Variants in MED23 observed in about 807,000 individuals in gnomAD.
MED23 encodes mediator of RNA polymerase II transcription subunit 23.
MED23 carries 105 observed loss-of-function variants against 163.9 expected under a neutral mutation model. The observed-to-expected ratio is 0.64, with a 90% confidence interval of 0.55 to 0.75. The LOEUF (loss-of-function observed/expected upper bound fraction) is 0.75, where lower values mean the gene tolerates loss of function less well. Among genes scored for constraint, MED23 ranks in the 30% least tolerant of loss-of-function variants. The pLI is 0.00. For synonymous variants in MED23, 561 were observed against 565.6 expected (o/e 0.99, Z 0.12); for missense variants, 1,054 against 1,649.0 (o/e 0.64, Z 6.25).
chr6:131,611,583 A>G (rs1351388837), intron 10 of MED23, among the ~76,000 whole-genome samples: 1 of 152,184 alleles, frequency 6.6e-6, no homozygotes, highest in Non-Finnish European at 1.5e-5. Context: ...ATCAGCATGC[A>G]AAACTACTGT....
rs1318991068 is a variant in MED23 at position 131,598,121 on chromosome 6, A to C, written c.2607+166T>G. ...CAAACAAAAAAACAAAAACAAACAA[A>C]AACAGAAATTGGAAAATTTCCGGCT... On this transcript the variant is annotated intron_variant, in intron 20 of 28. Coordinates refer to ENST00000368068, the MANE Select transcript of MED23 (RefSeq NM_004830.4). This position sits in a 1 kb window ranked among gnomAD's most constrained non-coding sequence, Gnocchi z 4.7. 1 of 756,034 alleles carries C rather than the reference A, an allele frequency of 1.3e-6. No individual in the cohort carries two copies. The highest frequency in any genetic ancestry group is 1.8e-5 in the African/African-American group (1 of 56,328). The allele number at this position is 756,034 out of a possible 1,614,324, so 46.8% of individuals were successfully genotyped here.
exon 31 of MED23, chr6:131,574,279 T>C (rs764610587): frequency 1.9e-6 from 3 of 1,613,886 alleles, no homozygotes; most frequent in African/African-American, 2.7e-5. Flanking sequence ...ACCCTTGCTG[T>C]GTACTCTGAC....
rs1775223323 is a variant in MED23, at chr6:131,598,310, G to A, written c.2584C>T (p.Leu862=). 1 of 1,613,890 alleles carries A rather than the reference G, an allele frequency of 6.2e-7. No homozygotes were observed. Among genetic ancestry groups the A allele is most frequent in the Non-Finnish European group, 8.5e-7 (1 of 1,179,798 alleles). The stretch of plus-strand genomic sequence containing the variant: ...ACCAGGCAGAGAATTAATCTGTCCA[G>A]TGTAACAATGTTATACTTCCATACC... ...DMVWKYNIVT[L]DRLILCLAMR... Residue 862 remains leucine, a synonymous_variant, in exon 20 of 29, where the codon CTG becomes TTG. Coordinates refer to ENST00000368068, the MANE Select transcript of MED23 (RefSeq NM_004830.4). This position sits in a 1 kb window ranked among gnomAD's most constrained non-coding sequence, Gnocchi z 4.7.
chr6:131,583,388 T>A (rs1250527571), downstream of MED23: 2 of 1,614,068 alleles, frequency 1.2e-6, no homozygotes, highest in Non-Finnish European at 1.7e-6. Flanking sequence ...GTTTTGATGT[T>A]GACGGACTGG....
Position 131,601,109 on chromosome 6 carries a change from G to A in MED23, c.2096-947C>T, listed in dbSNP as rs73778023. On this transcript the variant is annotated intron_variant, in intron 17 of 28. Coordinates refer to ENST00000368068, the MANE Select transcript of MED23 (RefSeq NM_004830.4). ...GAAAACTATAGCTAGCTAGACTTAC[G>A]TATTTAGCAGACATTTTCTTGAAAA... 3.8e-3 allele frequency among the ~76,000 whole-genome samples: 576 copies of A among 151,920 alleles called. 3 individuals carry two copies. The highest frequency in any genetic ancestry group is 0.013 in the African/African-American group (559 of 41,438).
chr6:131,614,598 C>G (rs1418131392), intron 10 of MED23, among the ~76,000 whole-genome samples: 1 of 152,088 alleles, frequency 6.6e-6, no homozygotes, highest in African/African-American at 2.4e-5. Flanking sequence ...TTTTCTCCCA[C>G]CACAGGTGAG....
chr6:131,627,117 T>C (rs532188065), intron 3 of MED23: 39 of 365,760 alleles, frequency 1.1e-4, no homozygotes, highest in Admixed American at 7.7e-4. Context: ...TAAATCCGAA[T>C]AGGATGAAAA....
chr6:131,582,814 GACAC>G (rs75155115), downstream of MED23: 31 of 911,302 alleles, frequency 3.4e-5, no homozygotes, highest in Middle Eastern at 2.2e-4. Flanking sequence ...TAAACATCAA[GACAC>G]ACACACACAC....
Position 131,586,987 on chromosome 6 carries a change from C to G in MED23, c.*692G>C, listed in dbSNP as rs80124471. The G allele has an allele frequency of 9.6e-4, 1,414 of 1,476,628 alleles. 33 individuals carry two copies. The East Asian group carries it at 0.033, about 35-fold the overall frequency. The allele number at this position is 1,476,628 out of a possible 1,614,324, so 91.5% of individuals were successfully genotyped here. Reference sequence around the variant, plus strand: ...TAAAAAAAGAAATTGGAGAATCAACCATTTAAGCATGATTTTAAGTTCAAG... The same window carrying G: ...TAAAAAAAGAAATTGGAGAATCAACGATTTAAGCATGATTTTAAGTTCAAG... On this transcript the variant is annotated 3_prime_UTR_variant, in exon 29 of 29. Coordinates refer to ENST00000368068, the MANE Select transcript of MED23 (RefSeq NM_004830.4).
downstream of MED23, chr6:131,583,951 T>A: frequency 6.3e-7 from 1 of 1,596,624 alleles, no homozygotes; most frequent in Non-Finnish European, 8.6e-7. Flanking sequence ...AATGGCATAA[T>A]TAGAAAGCTA....
In MED23 at chr6:131,621,873, T is replaced by C; in HGVS notation, c.495+8A>G. The C allele has an allele frequency of 1.3e-6, 2 of 1,595,894 alleles. No homozygotes were observed. Among genetic ancestry groups the C allele is most frequent in the Non-Finnish European group, 1.7e-6 (2 of 1,168,188 alleles). On this transcript the variant is annotated splice_region_variant and intron_variant, in intron 6 of 28. Coordinates refer to ENST00000368068, the MANE Select transcript of MED23 (RefSeq NM_004830.4). Reference sequence around the variant, plus strand: ...TATGATCACGAATTTCAGACATGTCTAAATTACCTCTCTTGCTGCCAGAAG... The same window carrying C: ...TATGATCACGAATTTCAGACATGTCCAAATTACCTCTCTTGCTGCCAGAAG...
chr6:131,592,427 T>C lies in MED23; in HGVS notation c.3432A>G (p.Ala1144=). 6.2e-7 allele frequency: 1 copy of C among 1,614,056 alleles called. No individual in the cohort carries two copies. The highest frequency in any genetic ancestry group is 8.5e-7 in the Non-Finnish European group (1 of 1,179,956). The change falls in exon 25 of 29, where the codon GCA becomes GCG. Residue 1144 remains alanine, a synonymous_variant. Transcript: ENST00000368068. ...QPLVPRENIT[A]WMNAIGLIIT... ...TGATCAAACCAATTGCATTCATCCA[T>C]GCTGTAATGTTCTCTCTTGGCACTA... is the stretch of plus-strand genomic sequence containing the variant.
At chr6:131,595,258 T>G (rs1774962747) in intron 22 of MED23, among the ~76,000 whole-genome samples, 1 of 152,204 alleles carries the variant, frequency 6.6e-6, no homozygotes, top group Admixed American at 6.5e-5. Context: ...TCCTGTTCCT[T>G]CTTTTGTGAC....
At position 131,598,534 on chromosome 6, in the gene MED23, G is replaced by A; in HGVS notation, c.2426+22C>T. The stretch of plus-strand genomic sequence containing the variant: ...GATACAACAATTTGCCAAATGGAAT[G>A]CAAATTAGGTTTTTGACTTACCTAT... On this transcript the variant is annotated intron_variant, in intron 19 of 28. Coordinates refer to ENST00000368068, the MANE Select transcript of MED23 (RefSeq NM_004830.4). The surrounding 1 kb of genome is among the most constrained non-coding windows in gnomAD (Gnocchi z 4.7). 6.2e-7 allele frequency: 1 copy of A among 1,613,722 alleles called. No individual in the cohort carries two copies. Among genetic ancestry groups the A allele is most frequent in the Non-Finnish European group, 8.5e-7 (1 of 1,179,710 alleles).
chr6:131,622,714 T>C (rs1267039360), intron 5 of MED23, among the ~76,000 whole-genome samples: 1 of 152,186 alleles, frequency 6.6e-6, no homozygotes, highest in Non-Finnish European at 1.5e-5. Context: ...TAAATCATGA[T>C]TTAAACTAAT....
intron 30 of MED23, chr6:131,574,316 G>C: frequency 6.2e-7 from 1 of 1,613,856 alleles, no homozygotes; most frequent in Non-Finnish European, 8.5e-7. Context: ...AATTGAGAGA[G>C]GCCAGAGGTT....
At position 131,606,489 on chromosome 6, in the gene MED23, G is replaced by A; in HGVS notation, c.1357C>T (p.Leu453Phe). ...CAACAAATAACTTACTCATGGTGAA[G>A]TCTTAGGGAATGAGGTATTGGAATC... ...LQIPIPHSLR[L>F]HHEFLQQSLR... is the part of the protein sequence containing the mutation. The change falls in exon 13 of 29, where the codon CTT becomes TTT. Residue 453 changes from leucine (L) to phenylalanine (F), a missense_variant. Around this residue, in one of 11 missense-constraint regions of MED23, gnomAD observed 39 missense variants for 50.5 expected, o/e 0.77. Transcript: ENST00000368068. 1 of 1,613,250 alleles carries A rather than the reference G, an allele frequency of 6.2e-7. No homozygotes were observed.
intron 10 of MED23, 48 bp downstream of exon 10, chr6:131,615,859 G>A (rs772020976): frequency 7.4e-7 from 1 of 1,344,286 alleles, no homozygotes; most frequent in South Asian, 1.2e-5. Context: ...GAAAAGAATA[G>A]TGCAGATTCT....
At position 131,598,843 on chromosome 6, in the gene MED23, T is replaced by C; in HGVS notation, c.2221-82A>G. The C allele has an allele frequency of 7.5e-7, 1 of 1,340,804 alleles. No homozygotes were observed. The highest frequency in any genetic ancestry group is 1.1e-6 in the Non-Finnish European group (1 of 940,242). The allele number at this position is 1,340,804 out of a possible 1,614,324, so 83.1% of individuals were successfully genotyped here. ...TGGAGTTAATAAACCAGTTCTAGACTTGATTCTGACACTAATAAACTCTAG... is the reference window on the plus strand; with the variant it reads ...TGGAGTTAATAAACCAGTTCTAGACCTGATTCTGACACTAATAAACTCTAG... On this transcript the variant is annotated intron_variant, in intron 18 of 28. Transcript: ENST00000368068. The surrounding 1 kb of genome is among the most constrained non-coding windows in gnomAD (Gnocchi z 4.7).
Sources: gnomAD v4.1 joint callset for allele counts (sites outside exome capture counted in the v4.1 genomes callset) on GRCh38, gnomAD v4.1.1 for gene constraint, gnomAD v4.1.1 regional missense constraint, Gnocchi (gnomAD v3.1) non-coding constraint, MANE v1.5 for transcripts, NCBI Gene and HGNC (gene_info 2026-07-23, HGNC 2026-07-21) for gene names.